Variants in TLL1 observed in about 807,000 individuals in gnomAD.
TLL1 encodes tolloid like 1.
A neutral mutation model predicts 128.2 loss-of-function variants in TLL1; 49 were observed. That is an observed-to-expected ratio of 0.38 (90% CI 0.30 to 0.48). The LOEUF (loss-of-function observed/expected upper bound fraction) is 0.48, where lower values mean the gene tolerates loss of function less well. Ranked by LOEUF, TLL1 falls within the 20% of genes least tolerant of loss-of-function variation. TLL1 has a pLI of 0.96. For missense variants in TLL1, 1,123 were observed against 1,242.0 expected (o/e 0.90, Z 1.44); for synonymous variants, 454 against 418.8 (o/e 1.08, Z -1.03).
chr4:165,908,013 ATAGG>A (rs1304677558), intron 1 of TLL1, among the ~76,000 whole-genome samples: 8 of 152,220 alleles, frequency 5.3e-5, no homozygotes, highest in Non-Finnish European at 8.8e-5. Context: ...GTGCTTCACA[ATAGG>A]TGTGAGCTGG....
chr4:166,058,732 A>G (rs1740147371), intron 14 of TLL1, among the ~76,000 whole-genome samples: 2 of 152,112 alleles, frequency 1.3e-5, no homozygotes, highest in African/African-American at 4.8e-5. Flanking sequence ...GCAGTTTAAC[A>G]TTATTTATAT....
At chr4:166,068,018 T>A (rs1372887775) in intron 16 of TLL1, among the ~76,000 whole-genome samples, 1 of 151,818 alleles carries the variant, frequency 6.6e-6, no homozygotes, top group Non-Finnish European at 1.5e-5. Flanking sequence ...CCCTTCTTTA[T>A]TAGATTATTG....
chr4:165,914,916 C>G (rs2110878454), intron 1 of TLL1, among the ~76,000 whole-genome samples: 2 of 152,292 alleles, frequency 1.3e-5, no homozygotes, highest in Admixed American at 1.3e-4. Flanking sequence ...ATCGGTACTT[C>G]TACTGACAAG....
chr4:166,069,980 A>G (rs1361831061), intron 16 of TLL1, among the ~76,000 whole-genome samples: 2 of 151,816 alleles, frequency 1.3e-5, no homozygotes, highest in African/African-American at 4.8e-5. Context: ...ACATAAGACC[A>G]TTTGGACATT....
chr4:166,090,458 T>C (rs532341356), intron 18 of TLL1, among the ~76,000 whole-genome samples: 1 of 152,180 alleles, frequency 6.6e-6, no homozygotes, highest in African/African-American at 2.4e-5. Context: ...TAGAATAGTT[T>C]TTAAATGTCA....
At chr4:166,011,069 A>G (rs1016511027) in intron 7 of TLL1, among the ~76,000 whole-genome samples, 2 of 151,326 alleles carry the variant, frequency 1.3e-5, no homozygotes, top group Non-Finnish European at 3.0e-5. Context: ...ATGTTTTGAA[A>G]TCAGTTCTGC....
At chr4:165,956,392 C>T (rs1483532650) in intron 1 of TLL1, among the ~76,000 whole-genome samples, 1 of 152,036 alleles carries the variant, frequency 6.6e-6, no homozygotes, top group African/African-American at 2.4e-5. Context: ...CAGACATTCC[C>T]AGAGCGGCCG....
intron 18 of TLL1, among the ~76,000 whole-genome samples, chr4:166,078,564 G>T (rs960150064): frequency 2.6e-5 from 4 of 152,024 alleles, no homozygotes; most frequent in Non-Finnish European, 5.9e-5. Flanking sequence ...ATTTTATTCG[G>T]CATGAGTAAT....
At chr4:165,877,716 C>T (rs1202397130) in intron 1 of TLL1, among the ~76,000 whole-genome samples, 1 of 152,040 alleles carries the variant, frequency 6.6e-6, no homozygotes, top group Non-Finnish European at 1.5e-5. Flanking sequence ...CTCTCCTTCT[C>T]TTCTTCCCTC....
chr4:165,946,851 A>T (rs538032600), intron 1 of TLL1, among the ~76,000 whole-genome samples: 1 of 152,246 alleles, frequency 6.6e-6, no homozygotes, highest in South Asian at 2.1e-4. Flanking sequence ...CCTTCTGATG[A>T]GGACTTAAAA....
chr4:166,079,342 G>A (rs1428901268), intron 18 of TLL1, among the ~76,000 whole-genome samples: 1 of 152,058 alleles, frequency 6.6e-6, no homozygotes, highest in Non-Finnish European at 1.5e-5. Context: ...TATTCTTTCT[G>A]AAGAATTTAT....
chr4:165,905,766 A>G (rs942959533), intron 1 of TLL1, among the ~76,000 whole-genome samples: 4 of 152,214 alleles, frequency 2.6e-5, no homozygotes, highest in Admixed American at 1.3e-4. Flanking sequence ...GGAACTGGTT[A>G]GGATTAGGGG....
chr4:165,938,563 CTTTA>C (rs1290695736), intron 1 of TLL1, among the ~76,000 whole-genome samples: 3 of 152,024 alleles, frequency 2.0e-5, no homozygotes, highest in East Asian at 1.9e-4. Context: ...TTATTTTTAT[CTTTA>C]TTTGTCTACT....
chr4:166,003,768 A>AT (rs1737274359), intron 6 of TLL1, among the ~76,000 whole-genome samples, 199 bp downstream of exon 6: 1 of 151,998 alleles, frequency 6.6e-6, no homozygotes, highest in African/African-American at 2.4e-5. Context: ...GATTTCATGC[A>AT]TTTTTTAGAC....
At chr4:166,063,513 A>T (rs1160694275) in intron 15 of TLL1, among the ~76,000 whole-genome samples, 1 of 152,182 alleles carries the variant, frequency 6.6e-6, no homozygotes. Flanking sequence ...AGGATTATAA[A>T]TCATGCTGCT....
intron 1 of TLL1, among the ~76,000 whole-genome samples, chr4:165,970,966 C>A (rs1214963041): frequency 6.6e-6 from 1 of 152,178 alleles, no homozygotes; most frequent in African/African-American, 2.4e-5. Flanking sequence ...GCACAACTTC[C>A]AGATTGCTTT....
chr4:166,094,174 G>A (rs1197259091), intron 19 of TLL1, among the ~76,000 whole-genome samples: 1 of 152,124 alleles, frequency 6.6e-6, no homozygotes, highest in Non-Finnish European at 1.5e-5. Context: ...ATCCTCAAAA[G>A]AACTGTATGA....
At chr4:165,912,669 G>A (rs769576039) in intron 1 of TLL1, among the ~76,000 whole-genome samples, 20 of 148,912 alleles carry the variant, frequency 1.3e-4, no homozygotes, top group Admixed American at 3.3e-4. Context: ...TTTCCTCCTC[G>A]TTCCATAGTT....
intron 1 of TLL1, among the ~76,000 whole-genome samples, chr4:165,898,025 CTGTT>C (rs1444460134): frequency 3.9e-5 from 6 of 151,942 alleles, no homozygotes; most frequent in African/African-American, 2.4e-5. Flanking sequence ...ATTTGGCTCT[CTGTT>C]TGTCTGTTAT....
Sources: gnomAD v4.1 joint callset for allele counts (sites outside exome capture counted in the v4.1 genomes callset) on GRCh38, gnomAD v4.1.1 for gene constraint, MANE v1.5 for transcripts, NCBI Gene and HGNC (gene_info 2026-07-23, HGNC 2026-07-21) for gene names.